The following RNASE4 variants were observed in gnomAD, a reference collection of about 807,000 sequenced individuals.
The protein encoded by RNASE4 is ribonuclease 4.
For synonymous variants in RNASE4, 93 were observed against 71.4 expected, an observed-to-expected ratio of 1.30 and a Z score of -1.52; for missense variants, 194 against 192.8, an observed-to-expected ratio of 1.01 and a Z score of -0.04.
intron 1 of RNASE4, among the ~76,000 whole-genome samples, chr14:20,692,065 A>G (rs747268857): frequency 2.1e-4 from 32 of 152,266 alleles, no homozygotes; most frequent in Non-Finnish European, 1.0e-4. Flanking sequence ...ATGTTCATTG[A>G]CTTACACACA....
intron 1 of RNASE4, among the ~76,000 whole-genome samples, chr14:20,697,721 G>A (rs1210369211): frequency 6.6e-6 from 1 of 152,178 alleles, no homozygotes; most frequent in East Asian, 1.9e-4. Context: ...CATCAAACTA[G>A]GAGTTCAACT....
At chr14:20,688,612 TA>T in intron 1 of RNASE4, 1 of 852,582 alleles carries the variant, frequency 1.2e-6, no homozygotes, top group Non-Finnish European at 1.4e-6. Context: ...AACAAATCTC[TA>T]ATCCATTCAG....
chr14:20,694,158 A>C, intron 1 of RNASE4: 1 of 817,638 alleles, frequency 1.2e-6, no homozygotes, highest in Non-Finnish European at 2.0e-6. Context: ...CATGTTTAAT[A>C]AATAAAAATG....
chr14:20,698,059 T>C (rs1423343353), intron 1 of RNASE4, among the ~76,000 whole-genome samples: 2 of 152,184 alleles, frequency 1.3e-5, no homozygotes. Flanking sequence ...AGAGAGGCAG[T>C]AGATAGTGGA....
In RNASE4 at chr14:20,699,809, CGGTT is replaced by C; in HGVS notation, c.439_442del (p.Gly147ArgfsTer12). The C allele has an allele frequency of 6.2e-7, 1 of 1,612,208 alleles. No individual in the cohort carries two copies. The highest frequency in any genetic ancestry group is 8.5e-7 in the Non-Finnish European group (1 of 1,179,580). Reference sequence around the variant, plus strand: ...ACCCACAGGTGCCTGTGCACTTTGACGGTTAGATGCCACCATGTAGGGATTATCG... The same window carrying C: ...ACCCACAGGTGCCTGTGCACTTTGACAGATGCCACCATGTAGGGATTATCG... On this transcript the variant is annotated frameshift_variant and stop_lost, in exon 2 of 2. Coordinates refer to ENST00000555835, the MANE Select transcript of RNASE4 (RefSeq NM_002937.5). LOFTEE classifies it high-confidence loss of function.
At chr14:20,686,035 G>A (rs886942175) in intron 1 of RNASE4, among the ~76,000 whole-genome samples, 5 of 105,246 alleles carry the variant, frequency 4.8e-5, no homozygotes, top group East Asian at 5.6e-4. Flanking sequence ...GCAAGACTCC[G>A]TCTTAAAAAA....
chr14:20,697,479 C>T (rs1453293543), intron 1 of RNASE4, among the ~76,000 whole-genome samples: 1 of 152,176 alleles, frequency 6.6e-6, no homozygotes, highest in Non-Finnish European at 1.5e-5. Flanking sequence ...ATATGACATA[C>T]AGCTTGATAT....
Position 20,699,857 on chromosome 14 carries a change from C to A in RNASE4, c.*42C>A. On this transcript the variant is annotated 3_prime_UTR_variant, in exon 2 of 2. Coordinates refer to ENST00000555835, the MANE Select transcript of RNASE4 (RefSeq NM_002937.5). ...ATTATCGCGAGTGGTTGACCTTACA[C>A]TTACTCCTTAAATAGCAGTGAGTAA... 6.4e-7 allele frequency: 1 copy of A among 1,552,816 alleles called. No individual in the cohort carries two copies. The highest frequency in any genetic ancestry group is 1.1e-5 in the South Asian group (1 of 87,288).
intron 1 of RNASE4, among the ~76,000 whole-genome samples, chr14:20,685,709 G>A (rs1195583703): frequency 6.6e-6 from 1 of 152,126 alleles, no homozygotes; most frequent in Non-Finnish European, 1.5e-5. Context: ...CCCCTTTAAA[G>A]TTAGCTCTGA....
chr14:20,699,081 G>A (rs1390093701), intron 1 of RNASE4: 2 of 303,084 alleles, frequency 6.6e-6, no homozygotes, highest in African/African-American at 2.1e-5. Context: ...TGGCAGCCAC[G>A]CAGTCAGTCC....
chr14:20,694,297 G>GTTTTT (rs34921147), intron 1 of RNASE4: 126 of 213,208 alleles, frequency 5.9e-4, no homozygotes, highest in Middle Eastern at 1.7e-3. Flanking sequence ...TTTTCTTTTC[G>GTTTTT]TTTTTTTTTT....
chr14:20,693,758 A>G, intron 1 of RNASE4: 1 of 1,614,210 alleles, frequency 6.2e-7, no homozygotes, highest in Non-Finnish European at 8.5e-7. Context: ...CCCTGCAAAG[A>G]CATCAACACA....
intron 1 of RNASE4, among the ~76,000 whole-genome samples, chr14:20,695,105 T>C (rs184685870): frequency 1.3e-5 from 2 of 152,278 alleles, no homozygotes; most frequent in South Asian, 2.1e-4. Context: ...GGGGAAGTTA[T>C]AGAAGATTCC....
At chr14:20,698,807 T>G (rs1372132344) in intron 1 of RNASE4, 1 of 151,992 alleles carries the variant, frequency 6.6e-6, no homozygotes, top group Non-Finnish European at 1.5e-5. Flanking sequence ...AGAAAAACAA[T>G]AGTCATGTGA....
At chr14:20,689,915 CA>C (rs58958050) in intron 1 of RNASE4, among the ~76,000 whole-genome samples, 27,510 of 121,394 alleles carry the variant, frequency 0.23, 2,737 homozygotes, top group East Asian at 0.43. Flanking sequence ...GACTCTGTCT[CA>C]AAAAAAAAAA....
chr14:20,689,155 C>T (rs979170526), intron 1 of RNASE4, among the ~76,000 whole-genome samples: 13 of 152,192 alleles, frequency 8.5e-5, no homozygotes, highest in African/African-American at 2.9e-4. Flanking sequence ...TGAAGGCCAT[C>T]GGGAGTCCTC....
At chr14:20,685,146 A>G (rs1199402983) in intron 1 of RNASE4, among the ~76,000 whole-genome samples, 2 of 152,200 alleles carry the variant, frequency 1.3e-5, no homozygotes, top group Middle Eastern at 3.4e-3. Flanking sequence ...TTGCAAGCGT[A>G]ACTAACATTT....
chr14:20,697,156 G>A (rs1411856007), intron 1 of RNASE4, among the ~76,000 whole-genome samples: 1 of 152,162 alleles, frequency 6.6e-6, no homozygotes, highest in Non-Finnish European at 1.5e-5. Context: ...CTGACGTCCT[G>A]GGTCTGCTCT....
intron 1 of RNASE4, among the ~76,000 whole-genome samples, chr14:20,691,679 C>T (rs1257786071): frequency 6.6e-6 from 1 of 152,358 alleles, no homozygotes; most frequent in Middle Eastern, 3.4e-3. Flanking sequence ...AAATTTGATG[C>T]ACTGCTGAAG....
Sources: gnomAD v4.1 joint callset for allele counts (sites outside exome capture counted in the v4.1 genomes callset) on GRCh38, gnomAD v4.1.1 for gene constraint, MANE v1.5 for transcripts, NCBI Gene and HGNC (gene_info 2026-07-23, HGNC 2026-07-21) for gene names.